The following CTNNA2 variants were observed in gnomAD, a reference collection of about 807,000 sequenced individuals.
CTNNA2 encodes the protein catenin alpha 2, also known as catenin alpha-2.
Under a neutral mutation model 101.0 loss-of-function variants are expected in CTNNA2, and 42 were observed. The observed-to-expected ratio is 0.42, with a 90% CI of 0.32 to 0.54. The LOEUF is 0.54. Among genes scored for constraint, CTNNA2 ranks in the 20% least tolerant of loss-of-function variants. The probability of loss-of-function intolerance (pLI) is 0.14; values close to 1 mark genes in which losing one functional copy is unlikely to be tolerated. For missense variants in CTNNA2, 871 were observed against 1,223.1 expected (o/e 0.71, Z 4.29); for synonymous variants, 450 against 456.4 (o/e 0.99, Z 0.18).
At chr2:80,134,723 A>G (rs1262503535) in intron 7 of CTNNA2, among the ~76,000 whole-genome samples, 2 of 152,188 alleles carry the variant, frequency 1.3e-5, no homozygotes, top group African/African-American at 2.4e-5. Flanking sequence ...TGTGCTTCAA[A>G]GCCGTTATTG....
chr2:80,594,454 GT>G (rs1696774307), intron 15 of CTNNA2, among the ~76,000 whole-genome samples: 1 of 151,556 alleles, frequency 6.6e-6, no homozygotes, highest in Admixed American at 6.6e-5. Flanking sequence ...CATTTTATTG[GT>G]TTCTTTTTCA....
chr2:80,569,634 T>TTTTTTTTTTTTG (rs1694385805), intron 12 of CTNNA2, among the ~76,000 whole-genome samples: 1 of 24,500 alleles, frequency 4.1e-5, no homozygotes, highest in Non-Finnish European at 7.1e-5. Flanking sequence ...GGTATTTAGG[T>TTTTTTTTTTTTG]TTTTTTTTTT....
intron 1 of CTNNA2, among the ~76,000 whole-genome samples, chr2:79,567,424 C>G (rs1011627237): frequency 2.6e-5 from 4 of 152,074 alleles, no homozygotes; most frequent in Admixed American, 2.6e-4. Context: ...TGAGTAGTCT[C>G]TTTGACTTCA....
intron 7 of CTNNA2, among the ~76,000 whole-genome samples, chr2:80,177,244 A>G (rs1705450064): frequency 6.6e-6 from 1 of 152,170 alleles, no homozygotes; most frequent in South Asian, 2.1e-4. Flanking sequence ...ATGATGGTGG[A>G]TAAGGCATTA....
intron 9 of CTNNA2, among the ~76,000 whole-genome samples, chr2:80,534,949 A>G (rs1233415015): frequency 6.6e-6 from 1 of 152,204 alleles, no homozygotes; most frequent in Non-Finnish European, 1.5e-5. Context: ...CCAAACAATG[A>G]GGCAACAACA....
At chr2:79,440,418 CT>C (rs1186032833) in intron 4 of CTNNA2, among the ~76,000 whole-genome samples, 5 of 152,104 alleles carry the variant, frequency 3.3e-5, no homozygotes, top group Admixed American at 6.6e-5. Flanking sequence ...CAGTATTTTA[CT>C]GGCCCTTTGG....
At chr2:80,038,097 T>G (rs1036062036) in intron 7 of CTNNA2, among the ~76,000 whole-genome samples, 1 of 152,144 alleles carries the variant, frequency 6.6e-6, no homozygotes, top group Non-Finnish European at 1.5e-5. Flanking sequence ...GATTCTCTCA[T>G]GGACTTAAAA....
chr2:79,477,267 TTCTCATGATTCTCCTACCTCAGC>T (rs1159119799), intron 4 of CTNNA2, among the ~76,000 whole-genome samples: 1 of 151,506 alleles, frequency 6.6e-6, no homozygotes, highest in Non-Finnish European at 1.5e-5. Context: ...GCCTCCAAGG[TTCTCATGATTCTCCTACCTCAGC>T]CTCCCAAGCA....
At chr2:79,222,559 G>A (rs939380458) in intron 2 of CTNNA2, among the ~76,000 whole-genome samples, 1 of 152,108 alleles carries the variant, frequency 6.6e-6, no homozygotes, top group Non-Finnish European at 1.5e-5. Flanking sequence ...AAGTTAACCA[G>A]GAAAATATTA....
intron 7 of CTNNA2, among the ~76,000 whole-genome samples, chr2:80,103,711 CA>C (rs1700696528): frequency 6.6e-6 from 1 of 152,062 alleles, no homozygotes; most frequent in African/African-American, 2.4e-5. Flanking sequence ...TAACCCTAGG[CA>C]GCTTAAATAA....
intron 12 of CTNNA2, among the ~76,000 whole-genome samples, chr2:80,564,028 G>C (rs1264852499): frequency 1.3e-5 from 2 of 152,150 alleles, no homozygotes; most frequent in Non-Finnish European, 2.9e-5. Context: ...TTAACTAAGA[G>C]TTGAAACTCA....
At chr2:79,279,246 A>T (rs1391277875) in intron 2 of CTNNA2, among the ~76,000 whole-genome samples, 3 of 152,118 alleles carry the variant, frequency 2.0e-5, no homozygotes, top group Non-Finnish European at 2.9e-5. Flanking sequence ...AGACCTAAGT[A>T]ACTGGGGTTG....
chr2:79,334,601 GA>G (rs1379705396), intron 3 of CTNNA2, among the ~76,000 whole-genome samples: 1 of 151,466 alleles, frequency 6.6e-6, no homozygotes, highest in Non-Finnish European at 1.5e-5. Context: ...AATGAAGGAA[GA>G]AAGAGAAGAA....
chr2:79,284,609 C>G (rs1414373903), intron 2 of CTNNA2, among the ~76,000 whole-genome samples: 1 of 149,064 alleles, frequency 6.7e-6, no homozygotes, highest in East Asian at 2.0e-4. Context: ...AGGGATGAAG[C>G]CCACTTGATC....
At chr2:80,008,238 A>C (rs1693515569) in intron 7 of CTNNA2, among the ~76,000 whole-genome samples, 1 of 152,186 alleles carries the variant, frequency 6.6e-6, no homozygotes, top group Non-Finnish European at 1.5e-5. Flanking sequence ...TGTGAAGCAG[A>C]CTAGGCAGTT....
At chr2:80,166,518 C>T (rs1181498729) in intron 7 of CTNNA2, among the ~76,000 whole-genome samples, 2 of 152,184 alleles carry the variant, frequency 1.3e-5, no homozygotes, top group African/African-American at 4.8e-5. Context: ...CACCTCCTAA[C>T]TCCCATACCT....
chr2:80,455,321 A>T (rs191931830), intron 9 of CTNNA2, among the ~76,000 whole-genome samples: 97 of 152,336 alleles, frequency 6.4e-4, no homozygotes, highest in Admixed American at 5.6e-3. Context: ...ACTGTTACCC[A>T]GCTAGTAATT....
chr2:80,516,888 T>C (rs1402748084), intron 9 of CTNNA2, among the ~76,000 whole-genome samples: 1 of 152,226 alleles, frequency 6.6e-6, no homozygotes, highest in African/African-American at 2.4e-5. Flanking sequence ...ACTGAAGTTT[T>C]CTCTTCCATG....
intron 4 of CTNNA2, among the ~76,000 whole-genome samples, chr2:79,868,641 T>C (rs1432361614): frequency 6.6e-6 from 1 of 152,244 alleles, no homozygotes; most frequent in Non-Finnish European, 1.5e-5. Flanking sequence ...ACTGTCTATA[T>C]AATGCCCTTT....
Sources: gnomAD v4.1 joint callset for allele counts (sites outside exome capture counted in the v4.1 genomes callset) on GRCh38, gnomAD v4.1.1 for gene constraint, MANE v1.5 for transcripts, NCBI Gene and HGNC (gene_info 2026-07-23, HGNC 2026-07-21) for gene names.